Variants in METAP1 observed in about 807,000 individuals in gnomAD.
The protein encoded by METAP1 is methionyl aminopeptidase 1, also known as methionine aminopeptidase 1.
METAP1 carries 28 observed loss-of-function variants against 53.8 expected under a neutral mutation model. The ratio of observed to expected loss-of-function variants is 0.52; its 90% CI spans 0.39 to 0.71. The LOEUF is 0.71. Among genes scored for constraint, METAP1 ranks in the 30% least tolerant of loss-of-function variants. METAP1 has a pLI of 0.00. For synonymous variants in METAP1, 181 were observed against 165.7 expected (o/e 1.09, Z -0.71); for missense variants, 389 against 479.8 (o/e 0.81, Z 1.77).
chr4:99,039,380 C>G lies in METAP1; in HGVS notation c.347C>G (p.Ser116Cys). ...TACCGAATTTTCATTCCAGGAATGT[C>G]TGAATCTGAACAGGCTCTTAAAGGT... ...PDYADHPLGM[S>C]ESEQALKGTS... The change falls in exon 5 of 11, where the codon TCT (serine) becomes TGT (cysteine). Residue 116 changes from serine to cysteine, a missense_variant. Physicochemically the swap from Ser to Cys is moderately radical, Grantham distance 112. Transcript: ENST00000296411. The G allele has an allele frequency of 6.2e-7, 1 of 1,602,736 alleles. No individual in the cohort carries two copies. The highest frequency in any genetic ancestry group is 8.5e-7 in the Non-Finnish European group (1 of 1,172,136).
At chr4:99,023,645 A>G in intron 1 of METAP1, 1 of 985,422 alleles carries the variant, frequency 1.0e-6, no homozygotes, top group Non-Finnish European at 1.2e-6. Flanking sequence ...TCTAGCCACT[A>G]CTTTAGGATG....
Position 99,041,051 on chromosome 4 carries a change from A to G in METAP1, c.441A>G (p.Arg147=). The G allele has an allele frequency of 6.2e-7, 1 of 1,607,834 alleles. No individual in the cohort carries two copies. The highest frequency in any genetic ancestry group is 8.5e-7 in the Non-Finnish European group (1 of 1,176,010). ...EGMRLVCRLA[R]EVLDVAAGMI... ...GTGTTCCTTTTTTACAGCTTGCTAG[A>G]GAAGTTTTGGATGTTGCTGCCGGCA... Residue 147 remains arginine (R), a synonymous_variant, in exon 6 of 11, where the codon AGA becomes AGG. Transcript: ENST00000296411.
chr4:99,038,899 A>T (rs777824291), intron 4 of METAP1, among the ~76,000 whole-genome samples: 12 of 152,188 alleles, frequency 7.9e-5, no homozygotes, highest in Non-Finnish European at 1.6e-4. Flanking sequence ...ACTTTTAAAA[A>T]ATGTTAAGTG....
chr4:99,041,576 TTGTC>T (rs1418694536), intron 6 of METAP1, among the ~76,000 whole-genome samples: 7 of 151,978 alleles, frequency 4.6e-5, no homozygotes, highest in Non-Finnish European at 8.8e-5. Context: ...TAAATAAAGA[TTGTC>T]TGCCCATCAA....
At chr4:99,055,926 G>C (rs1727082904) in intron 9 of METAP1, among the ~76,000 whole-genome samples, 2 of 152,100 alleles carry the variant, frequency 1.3e-5, no homozygotes, top group Admixed American at 1.3e-4. Context: ...TCAAATGTTT[G>C]TTTTTCTTTT....
At chr4:99,022,867 C>T (rs1724236105) in intron 1 of METAP1, 4 of 1,541,744 alleles carry the variant, frequency 2.6e-6, no homozygotes, top group Non-Finnish European at 3.5e-6. Flanking sequence ...GCTGCTGCTG[C>T]CTTCTTTTTG....
At chr4:98,997,913 CTTAAT>C (rs1560687240) in intron 1 of METAP1, among the ~76,000 whole-genome samples, 1 of 152,208 alleles carries the variant, frequency 6.6e-6, no homozygotes. Flanking sequence ...GTCATACTCT[CTTAAT>C]TTATTTCTCT....
chr4:99,019,516 T>C (rs1369631486), intron 1 of METAP1, among the ~76,000 whole-genome samples: 2 of 152,228 alleles, frequency 1.3e-5, no homozygotes, highest in African/African-American at 4.8e-5. Flanking sequence ...CTTCATCTGC[T>C]CTACATCTCC....
chr4:99,001,115 G>A (rs1225348350), intron 1 of METAP1, among the ~76,000 whole-genome samples: 1 of 152,184 alleles, frequency 6.6e-6, no homozygotes, highest in African/African-American at 2.4e-5. Flanking sequence ...TTCTCTGTCA[G>A]TAACAACATT....
At chr4:99,008,089 G>A (rs1408409602) in intron 1 of METAP1, among the ~76,000 whole-genome samples, 1 of 152,202 alleles carries the variant, frequency 6.6e-6, no homozygotes, top group African/African-American at 2.4e-5. Flanking sequence ...GCTGAACAAT[G>A]TACTAGGTAA....
At chr4:99,044,298 A>G (rs1250098952) in intron 7 of METAP1, among the ~76,000 whole-genome samples, 1 of 152,154 alleles carries the variant, frequency 6.6e-6, no homozygotes, top group Non-Finnish European at 1.5e-5. Context: ...CTACCTATCA[A>G]ATGAGGAAGC....
At position 99,061,537 on chromosome 4, in the gene METAP1, C is replaced by G; in HGVS notation, c.*220C>G. Reference sequence around the variant, plus strand: ...TTGCTCAACTCTTCAGCCCCCTCCCCCTGCACACCTGTTTTCTCATTTGCC... The same window carrying G: ...TTGCTCAACTCTTCAGCCCCCTCCCGCTGCACACCTGTTTTCTCATTTGCC... On this transcript the variant is annotated 3_prime_UTR_variant, in exon 11 of 11. Coordinates refer to ENST00000296411, the MANE Select transcript of METAP1 (RefSeq NM_015143.3). The G allele has an allele frequency of 2.6e-6, 1 of 380,742 alleles. No homozygotes were observed. The highest frequency in any genetic ancestry group is 4.6e-6 in the Non-Finnish European group (1 of 216,406). The allele number at this position is 380,742 out of a possible 1,614,324, so 23.6% of individuals were successfully genotyped here. A position where few individuals can be genotyped will look rare whatever the true frequency, so the allele number is the denominator to read the frequency against.
In METAP1 at chr4:99,048,198, T is replaced by C. The variant is rs566604792; in HGVS notation, c.788-535T>C. ...GTACCTACTTCCAACCCTTTAGTGC[T>C]GCTATGAGTCTAACGTTTTTGGCAT... On this transcript the variant is annotated intron_variant, in intron 8 of 10. Coordinates refer to ENST00000296411, the MANE Select transcript of METAP1 (RefSeq NM_015143.3). 9.8e-4 allele frequency among the ~76,000 whole-genome samples: 150 copies of C among 152,332 alleles called. 5 individuals are homozygous for C. In the South Asian group the frequency reaches 0.03, roughly 31 times the overall value.
intron 1 of METAP1, among the ~76,000 whole-genome samples, chr4:99,008,898 A>T (rs1193874713): frequency 6.6e-6 from 1 of 152,154 alleles, no homozygotes. Context: ...GTTATAAAAA[A>T]CATTTAATTT....
At chr4:99,027,434 A>T (rs866446260) in intron 1 of METAP1, among the ~76,000 whole-genome samples, 1 of 152,266 alleles carries the variant, frequency 6.6e-6, no homozygotes, top group Middle Eastern at 3.4e-3. Context: ...TTAGGCCTGC[A>T]GAACAGACAT....
At chr4:99,000,956 C>G (rs1722895466) in intron 1 of METAP1, among the ~76,000 whole-genome samples, 1 of 152,114 alleles carries the variant, frequency 6.6e-6, no homozygotes, top group African/African-American at 2.4e-5. Flanking sequence ...CCTCAGCCTC[C>G]CAAAGTGTTG....
At chr4:99,025,129 G>A (rs1724469000) in intron 1 of METAP1, among the ~76,000 whole-genome samples, 1 of 152,222 alleles carries the variant, frequency 6.6e-6, no homozygotes, top group African/African-American at 2.4e-5. Flanking sequence ...TGCTGTGTGG[G>A]CTGGTTCCTA....
At chr4:99,052,639 C>G (rs1726794354) in intron 9 of METAP1, among the ~76,000 whole-genome samples, 2 of 152,180 alleles carry the variant, frequency 1.3e-5, no homozygotes, top group African/African-American at 2.4e-5. Flanking sequence ...CAGTCACTTT[C>G]CACCAGGCCT....
intron 1 of METAP1, among the ~76,000 whole-genome samples, chr4:99,004,966 GTCC>G (rs1723109223): frequency 6.6e-6 from 1 of 151,954 alleles, no homozygotes. Context: ...ATTATAAATA[GTCC>G]TCCTCTAGAC....
Sources: allele counts gnomAD v4.1 joint callset (sites outside exome capture counted in the v4.1 genomes callset), GRCh38; gene constraint gnomAD v4.1.1; transcripts MANE v1.5; gene names NCBI Gene and HGNC (gene_info 2026-07-23, HGNC 2026-07-21).